PUDP: variants seen among roughly 807,000 people sequenced by gnomAD.
PUDP encodes pseudouridine 5'-phosphatase.
In PUDP, 8 loss-of-function variants were observed where a neutral mutation model predicts 9.4. The ratio of observed to expected loss-of-function variants is 0.85; its 90% CI spans 0.50 to 1.53. The LOEUF (loss-of-function observed/expected upper bound fraction) is 1.53, where lower values mean the gene tolerates loss of function less well. PUDP is among the 40% of genes most tolerant of loss of function. PUDP has a pLI of 0.00. For synonymous variants in PUDP, 99 were observed against 80.7 expected (o/e 1.23, Z -1.22); for missense variants, 188 against 189.7 (o/e 0.99, Z 0.05).
chrX:6,939,597 C>G (rs1418690446), intron 3 of PUDP, among the ~76,000 whole-genome samples: 1 of 110,224 alleles, frequency 9.1e-6, no homozygotes, highest in Non-Finnish European at 1.9e-5. Flanking sequence ...GGTGCAGTGG[C>G]TCATGCTTGT....
intron 3 of PUDP, among the ~76,000 whole-genome samples, chrX:6,740,732 A>G (rs763975588): frequency 5.3e-5 from 6 of 112,227 alleles, no homozygotes; most frequent in Non-Finnish European, 9.4e-5. Context: ...ATGTCATGTC[A>G]GTAATACCAA....
rs964825562 is a variant in PUDP at position 6,878,916 on chromosome X, C to T, written c.*247+98217G>A. 1.1e-4 allele frequency among the ~76,000 whole-genome samples: 12 copies of T among 111,577 alleles called. 1 individual carries two copies. Among genetic ancestry groups the T allele is most frequent in the African/African-American group, 3.6e-4 (11 of 30,739 alleles). ...GCATGCCTGGCCATACACTAACCATCAGAGCTATTGCTTAGAAGGCCGATT... is the reference window on the plus strand; with the variant it reads ...GCATGCCTGGCCATACACTAACCATTAGAGCTATTGCTTAGAAGGCCGATT... On this transcript the variant is annotated intron_variant and NMD_transcript_variant, in intron 3 of 3. Transcript: ENST00000655425.
chrX:7,031,483 G>A (rs1602721859), intron 1 of PUDP, among the ~76,000 whole-genome samples: 1 of 111,630 alleles, frequency 9.0e-6, no homozygotes, highest in Non-Finnish European at 1.9e-5. Flanking sequence ...CGCTAAACTC[G>A]CTCCACTGCT....
chrX:6,728,350 T>C (rs73457828), intron 3 of PUDP, among the ~76,000 whole-genome samples: 3,266 of 110,503 alleles, frequency 0.03, 109 homozygotes, highest in African/African-American at 0.1. Context: ...TAGAGAAACA[T>C]AACACACACA....
chrX:6,875,902 ATGTT>A (rs1443218085), intron 3 of PUDP, among the ~76,000 whole-genome samples: 2 of 112,243 alleles, frequency 1.8e-5, no homozygotes, highest in Non-Finnish European at 3.8e-5. Flanking sequence ...CCCTGCCAAC[ATGTT>A]TGTTATTTGA....
At chrX:6,851,474 AAG>A (rs1424443561) in intron 3 of PUDP, among the ~76,000 whole-genome samples, 2 of 111,134 alleles carry the variant, frequency 1.8e-5, no homozygotes, top group Non-Finnish European at 3.8e-5. Context: ...GGTGGGATGA[AAG>A]AGAGGAAGAT....
intron 3 of PUDP, among the ~76,000 whole-genome samples, chrX:6,901,886 T>C (rs1927693447): frequency 8.9e-6 from 1 of 111,788 alleles, no homozygotes; most frequent in Non-Finnish European, 1.9e-5. Context: ...GTTTGCTTGT[T>C]TTTTTCAGAG....
intron 3 of PUDP, among the ~76,000 whole-genome samples, chrX:6,976,210 G>T (rs1312019614): frequency 9.0e-6 from 1 of 111,567 alleles, no homozygotes; most frequent in African/African-American, 3.3e-5. Context: ...GGAGTGAACA[G>T]TTCTGTCTTG....
rs989548549 is a variant in PUDP, at chrX:6,930,722, A to G, written c.*247+46411T>C. 9.1e-5 allele frequency among the ~76,000 whole-genome samples: 10 copies of G among 109,944 alleles called. 1 individual carries two copies. In the East Asian group the frequency reaches 2.9e-3, roughly 32 times the overall value. On this transcript the variant is annotated intron_variant and NMD_transcript_variant, in intron 3 of 3. Transcript: ENST00000655425. ...AACTTGCTTTCACTCTACTCTGCAG[A>G]CTCACCCCCAGTTCTTTCTCGTGTG...
At chrX:7,044,416 G>A (rs1929959419), downstream of PUDP, among the ~76,000 whole-genome samples, 1 of 112,618 alleles carries the variant, frequency 8.9e-6, no homozygotes, top group African/African-American at 3.2e-5. Context: ...CCAGGAAAGT[G>A]ACAATGAAAC....
intron 3 of PUDP, among the ~76,000 whole-genome samples, chrX:6,887,107 ATATAT>A (rs1194501532): frequency 9.4e-5 from 9 of 96,100 alleles, no homozygotes; most frequent in Admixed American, 1.3e-4. Context: ...ATAATATATA[ATATAT>A]TATATGATAT....
intron 3 of PUDP, among the ~76,000 whole-genome samples, chrX:6,970,954 G>C (rs1045444900): frequency 9.0e-6 from 1 of 111,121 alleles, no homozygotes; most frequent in Non-Finnish European, 1.9e-5. Context: ...AGGAGGCTGA[G>C]GTAGGAGAAT....
At chrX:7,003,880 T>G (rs1164241907) in intron 1 of PUDP, among the ~76,000 whole-genome samples, 1 of 111,287 alleles carries the variant, frequency 9.0e-6, no homozygotes, top group African/African-American at 3.3e-5. Flanking sequence ...TTCCATGGTT[T>G]TATTTTTATT....
intron 3 of PUDP, among the ~76,000 whole-genome samples, chrX:6,898,679 G>T (rs1927628170): frequency 8.9e-6 from 1 of 112,491 alleles, no homozygotes. Flanking sequence ...GACACAGAAA[G>T]GGATGGGGCA....
intron 2 of PUDP, among the ~76,000 whole-genome samples, chrX:7,091,964 T>C (rs1299248901): frequency 8.9e-6 from 1 of 112,642 alleles, no homozygotes; most frequent in South Asian, 3.6e-4. Context: ...CTCTACGTGA[T>C]TAAACAATGT....
chrX:6,858,613 C>G (rs1360298996), intron 3 of PUDP, among the ~76,000 whole-genome samples: 2 of 111,678 alleles, frequency 1.8e-5, no homozygotes. Flanking sequence ...AGCCCCAGGA[C>G]CCAGCCTATG....
intron 3 of PUDP, among the ~76,000 whole-genome samples, chrX:6,880,213 G>A (rs1330153514): frequency 9.1e-6 from 1 of 110,146 alleles, no homozygotes; most frequent in African/African-American, 3.3e-5. Flanking sequence ...CCCGAGCAGT[G>A]TACACTGTAT....
At chrX:6,958,179 TG>T (rs1014480652) in intron 3 of PUDP, among the ~76,000 whole-genome samples, 1 of 112,001 alleles carries the variant, frequency 8.9e-6, no homozygotes, top group African/African-American at 3.2e-5. Context: ...CCTCATATTC[TG>T]TATTTGTTCC....
intron 3 of PUDP, among the ~76,000 whole-genome samples, chrX:6,739,912 T>G (rs1016171488): frequency 2.7e-5 from 3 of 112,122 alleles, no homozygotes; most frequent in African/African-American, 9.8e-5. Flanking sequence ...AGTGCCCAAC[T>G]GATGCTCTTC....
Sources: allele counts gnomAD v4.1 joint callset (sites outside exome capture counted in the v4.1 genomes callset), GRCh38; gene constraint gnomAD v4.1.1; transcripts MANE v1.5; gene names NCBI Gene and HGNC (gene_info 2026-07-23, HGNC 2026-07-21).